LSM6: variants seen among roughly 807,000 people sequenced by gnomAD.
LSM6 encodes LSM6 homolog, U6 small nuclear RNA and mRNA degradation associated, also known as U6 snRNA-associated Sm-like protein LSm6.
LSM6 carries 2 observed loss-of-function variants against 13.5 expected under a neutral mutation model. That is an observed-to-expected ratio of 0.15 (90% CI 0.06 to 0.47). LSM6 has a LOEUF of 0.47. Ranked by LOEUF, LSM6 falls within the 20% of genes least tolerant of loss-of-function variation. The pLI, the probability that LSM6 is intolerant of heterozygous loss-of-function variation, is 0.97. For missense variants in LSM6, 58 were observed against 96.4 expected, an observed-to-expected ratio of 0.60 and a Z score of 1.67; for synonymous variants, 43 against 34.9, an observed-to-expected ratio of 1.23 and a Z score of -0.82.
chr4:146,181,816 A>G (rs760275173), intron 1 of LSM6, among the ~76,000 whole-genome samples: 16 of 152,200 alleles, frequency 1.1e-4, no homozygotes, highest in Non-Finnish European at 2.4e-4. Context: ...TTGCTTAACT[A>G]CAGTTTTATT....
chr4:146,183,121 G>A, intron 2 of LSM6, 106 bp downstream of exon 2: 1 of 715,432 alleles, frequency 1.4e-6, no homozygotes, highest in African/African-American at 1.8e-5. Context: ...AAAAAGTACT[G>A]GTCATCAGTA....
chr4:146,178,997 C>G (rs1730173610), intron 1 of LSM6, among the ~76,000 whole-genome samples: 1 of 152,038 alleles, frequency 6.6e-6, no homozygotes, highest in African/African-American at 2.4e-5. Flanking sequence ...AATAAAAGTT[C>G]TTTTTTTTCT....
intron 3 of LSM6, among the ~76,000 whole-genome samples, chr4:146,188,159 TTAC>T (rs1195136191): frequency 1.3e-5 from 2 of 152,226 alleles, no homozygotes; most frequent in African/African-American, 4.8e-5. Context: ...TCCCCTATGC[TTAC>T]AGGACCTTAT....
At chr4:146,177,861 G>A (rs1163364733) in intron 1 of LSM6, among the ~76,000 whole-genome samples, 1 of 152,062 alleles carries the variant, frequency 6.6e-6, no homozygotes, top group Non-Finnish European at 1.5e-5. Context: ...AGCAGGGTGG[G>A]GCAGGGTTGG....
chr4:146,185,358 A>G (rs1345615398), intron 2 of LSM6, among the ~76,000 whole-genome samples: 1 of 152,096 alleles, frequency 6.6e-6, no homozygotes, highest in South Asian at 2.1e-4. Context: ...TTTCACATGG[A>G]TAGTAACCAT....
intron 2 of LSM6, among the ~76,000 whole-genome samples, chr4:146,185,108 C>T (rs151132566): frequency 6.6e-6 from 1 of 152,268 alleles, no homozygotes; most frequent in East Asian, 1.9e-4. Context: ...CTATAAACAA[C>T]TCTTCTACTT....
At chr4:146,180,829 A>C (rs1730216475) in intron 1 of LSM6, 1 of 152,212 alleles carries the variant, frequency 6.6e-6, no homozygotes, top group South Asian at 2.1e-4. Flanking sequence ...CAGAGTTAAT[A>C]TTCTCTCTAG....
chr4:146,184,408 G>T (rs1439506568), intron 2 of LSM6, among the ~76,000 whole-genome samples: 1 of 152,146 alleles, frequency 6.6e-6, no homozygotes, highest in African/African-American at 2.4e-5. Flanking sequence ...TAGGACTCAA[G>T]TTCAGGCTCG....
chr4:146,185,136 T>A (rs1018199477), intron 2 of LSM6, among the ~76,000 whole-genome samples: 1 of 152,194 alleles, frequency 6.6e-6, no homozygotes, highest in African/African-American at 2.4e-5. Context: ...TATTGTGAAG[T>A]TGACCAAACA....
rs1730450550 is a variant in LSM6, at chr4:146,190,642, C to T, written c.*986C>T. On this transcript the variant is annotated 3_prime_UTR_variant, in exon 4 of 4. Transcript: ENST00000296581. The stretch of plus-strand genomic sequence containing the variant: ...TGTTGCTTGGCACAAGGCAGCTCCT[C>T]TGGTTATGTGACTCCTGCTGAGAGG... 1 of 152,272 alleles carries T rather than the reference C, an allele frequency of 6.6e-6. No homozygotes were observed. The highest frequency in any genetic ancestry group is 2.4e-5 in the African/African-American group (1 of 41,466). 9.4% of individuals were successfully genotyped at this position (152,272 alleles called of 1,614,324 possible).
rs1314611818 is a variant in LSM6, at chr4:146,190,724, T to C, written c.*1068T>C. The C allele has an allele frequency of 2.0e-5, 3 of 152,246 alleles. No homozygotes were observed. Among genetic ancestry groups the C allele is most frequent in the Admixed American group, 1.3e-4 (2 of 15,284 alleles). 9.4% of individuals were successfully genotyped at this position (152,246 alleles called of 1,614,324 possible). A position where few individuals can be genotyped will look rare whatever the true frequency, so the allele number is the denominator to read the frequency against. On this transcript the variant is annotated 3_prime_UTR_variant, in exon 4 of 4. Transcript: ENST00000296581. ...ACCCTGCTTTATTCTCCAAACAGTTTTACGCTGTCTCTAGGAACAACAAAT... is the reference window on the plus strand; with the variant it reads ...ACCCTGCTTTATTCTCCAAACAGTTCTACGCTGTCTCTAGGAACAACAAAT...
intron 1 of LSM6, among the ~76,000 whole-genome samples, chr4:146,178,032 C>G (rs888643328): frequency 2.0e-5 from 3 of 152,196 alleles, no homozygotes; most frequent in Non-Finnish European, 4.4e-5. Context: ...ATGACACAAA[C>G]AGTTGTTTTC....
At position 146,191,384 on chromosome 4, in the gene LSM6, A is replaced by G. The variant is rs1730467292; in HGVS notation, c.*1728A>G. On this transcript the variant is annotated 3_prime_UTR_variant, in exon 4 of 4. Transcript: ENST00000296581. ...CTTCTTCCCTGACCTCGCCTTTGAT[A>G]TATAAGTCTTTATTTTCCCCTTGCC... The G allele has an allele frequency of 6.6e-6, 1 of 152,140 alleles. No individual in the cohort carries two copies. Among genetic ancestry groups the G allele is most frequent in the South Asian group, 2.1e-4 (1 of 4,832 alleles). 9.4% of individuals were successfully genotyped at this position (152,140 alleles called of 1,614,324 possible). A position where few individuals can be genotyped will look rare whatever the true frequency, so the allele number is the denominator to read the frequency against.
intron 2 of LSM6, among the ~76,000 whole-genome samples, chr4:146,184,364 T>A (rs1448006023): frequency 6.6e-6 from 1 of 152,170 alleles, no homozygotes; most frequent in Non-Finnish European, 1.5e-5. Context: ...CTTTGAAATC[T>A]CTATTGATTA....
At chr4:146,184,939 T>A (rs544064852) in intron 2 of LSM6, among the ~76,000 whole-genome samples, 38 of 151,608 alleles carry the variant, frequency 2.5e-4, no homozygotes, top group African/African-American at 8.2e-4. Context: ...GCAACCTGAT[T>A]TTTTTTTTAA....
At chr4:146,187,519 C>A in intron 3 of LSM6, 132 bp downstream of exon 3, 1 of 579,208 alleles carries the variant, frequency 1.7e-6, no homozygotes, top group South Asian at 2.5e-5. Flanking sequence ...GCTTATATGT[C>A]AGATCTTCAG....
At chr4:146,179,225 C>T (rs534568126) in intron 1 of LSM6, among the ~76,000 whole-genome samples, 4 of 152,290 alleles carry the variant, frequency 2.6e-5, no homozygotes, top group Admixed American at 2.6e-4. Flanking sequence ...AGAAGTTTTA[C>T]CAGGGTGACC....
chr4:146,184,174 A>AATGAAGCATGGGGACC (rs1439815444), intron 2 of LSM6, among the ~76,000 whole-genome samples: 1 of 151,976 alleles, frequency 6.6e-6, no homozygotes, highest in Non-Finnish European at 1.5e-5. Flanking sequence ...TCATCCCATT[A>AATGAAGCATGGGGACC]ATGGGCAAGT....
intron 2 of LSM6, among the ~76,000 whole-genome samples, chr4:146,184,065 G>T (rs80267090): frequency 7.0e-4 from 107 of 152,130 alleles, no homozygotes; most frequent in African/African-American, 2.5e-3. Context: ...TCTGGTGAGG[G>T]CTACGTCCTC....
Sources: gnomAD v4.1 joint callset for allele counts (sites outside exome capture counted in the v4.1 genomes callset) on GRCh38, gnomAD v4.1.1 for gene constraint, MANE v1.5 for transcripts, NCBI Gene and HGNC (gene_info 2026-07-23, HGNC 2026-07-21) for gene names.